Variants in DTNA observed in about 807,000 individuals in gnomAD.
DTNA encodes the protein dystrobrevin alpha.
In DTNA, 43 loss-of-function variants were observed where a neutral mutation model predicts 100.7. The ratio of observed to expected loss-of-function variants is 0.43; its 90% CI spans 0.33 to 0.55. The LOEUF (loss-of-function observed/expected upper bound fraction) is 0.55. DTNA is among the 20% of genes least tolerant of loss of function. The probability of loss-of-function intolerance (pLI) is 0.04; values close to 1 mark genes in which losing one functional copy is unlikely to be tolerated. For synonymous variants in DTNA, 349 were observed against 347.9 expected (o/e 1.00, Z -0.04); for missense variants, 798 against 953.9 (o/e 0.84, Z 2.15).
rs557592340 is a variant in DTNA at position 34,652,461 on chromosome 18, T to G, written c.-1-103515T>G. On this transcript the variant is annotated intron_variant, in intron 1 of 19. Transcript: ENST00000283365. ...CCTACATGCCCAGGTGTTTGCTTATTTCCTTGACTGGAATGTTCTTCCTCA... is the reference window on the plus strand; with the variant it reads ...CCTACATGCCCAGGTGTTTGCTTATGTCCTTGACTGGAATGTTCTTCCTCA... 1.1e-4 allele frequency among the ~76,000 whole-genome samples: 17 copies of G among 152,288 alleles called. No individual in the cohort carries two copies. In the South Asian group the frequency reaches 3.1e-3, roughly 28 times the overall value.
chr18:34,833,016 GTTC>G (rs1431943923), intron 11 of DTNA, among the ~76,000 whole-genome samples: 13 of 152,108 alleles, frequency 8.5e-5, no homozygotes, highest in Admixed American at 3.9e-4. Flanking sequence ...GAAAATATCT[GTTC>G]TTAATTTGCT....
chr18:34,561,073 A>G (rs1042788470), intron 1 of DTNA, among the ~76,000 whole-genome samples: 1 of 152,242 alleles, frequency 6.6e-6, no homozygotes, highest in African/African-American at 2.4e-5. Flanking sequence ...AATCTGCACA[A>G]TAAATGTGAT....
At chr18:34,512,551 G>A (rs1450654041) in intron 1 of DTNA, among the ~76,000 whole-genome samples, 2 of 152,006 alleles carry the variant, frequency 1.3e-5, no homozygotes, top group Admixed American at 6.6e-5. Flanking sequence ...CTTTTATGGT[G>A]GTGAATCCAG....
At chr18:34,555,425 A>T (rs1301457568) in intron 1 of DTNA, among the ~76,000 whole-genome samples, 1 of 151,382 alleles carries the variant, frequency 6.6e-6, no homozygotes, top group Non-Finnish European at 1.5e-5. Flanking sequence ...TAGCTTTTGA[A>T]TGTGTTTGCT....
At chr18:34,733,488 C>G (rs2088805847) in intron 1 of DTNA, among the ~76,000 whole-genome samples, 1 of 152,106 alleles carries the variant, frequency 6.6e-6, no homozygotes, top group Non-Finnish European at 1.5e-5. Flanking sequence ...GTAGCTATGC[C>G]CACCGTGCCT....
At chr18:34,654,678 A>C (rs899727926) in intron 1 of DTNA, among the ~76,000 whole-genome samples, 11 of 152,210 alleles carry the variant, frequency 7.2e-5, no homozygotes, top group Non-Finnish European at 1.3e-4. Flanking sequence ...CATGTGGGAT[A>C]ATCTATGTTC....
intron 6 of DTNA, chr18:34,815,670 A>G: frequency 2.1e-6 from 1 of 471,918 alleles, no homozygotes; most frequent in Admixed American, 3.4e-5. Flanking sequence ...TCTCCTGGTG[A>G]TACTATTGAC....
intron 1 of DTNA, among the ~76,000 whole-genome samples, chr18:34,704,852 T>C (rs1460803213): frequency 6.6e-6 from 1 of 152,184 alleles, no homozygotes; most frequent in East Asian, 1.9e-4. Flanking sequence ...TTTTCTTGAC[T>C]TCACAGGTAG....
chr18:34,493,781 A>G (rs1027188950), intron 1 of DTNA: 33 of 148,898 alleles, frequency 2.2e-4, no homozygotes, highest in Admixed American at 6.0e-4. Flanking sequence ...CGCACCGAGC[A>G]AAGTCAAGAG....
chr18:34,813,799 G>A (rs571757597), intron 6 of DTNA, among the ~76,000 whole-genome samples: 2 of 142,542 alleles, frequency 1.4e-5, no homozygotes, highest in Non-Finnish European at 3.0e-5. Flanking sequence ...CCAAGATTGT[G>A]CCACTGCACT....
At chr18:34,781,068 G>A (rs750452738) in intron 3 of DTNA, among the ~76,000 whole-genome samples, 3 of 152,176 alleles carry the variant, frequency 2.0e-5, no homozygotes, top group African/African-American at 7.2e-5. Context: ...GCCATTGTCC[G>A]GTTGCAGCTG....
chr18:34,759,338 C>T (rs1041053252), intron 2 of DTNA, among the ~76,000 whole-genome samples: 1 of 152,168 alleles, frequency 6.6e-6, no homozygotes, highest in East Asian at 1.9e-4. Flanking sequence ...ACTCTCAGAG[C>T]ACATTTACTT....
intron 17 of DTNA, among the ~76,000 whole-genome samples, chr18:34,869,656 T>C (rs1231109570): frequency 6.6e-6 from 1 of 152,212 alleles, no homozygotes; most frequent in African/African-American, 2.4e-5. Context: ...TGATATTTTT[T>C]CTTAAGTTTT....
chr18:34,555,390 A>T (rs2045923176), intron 1 of DTNA, among the ~76,000 whole-genome samples: 1 of 150,100 alleles, frequency 6.7e-6, no homozygotes, highest in African/African-American at 2.5e-5. Flanking sequence ...TTCTGCTCTG[A>T]TTTTAGTTAT....
chr18:34,834,704 C>T (rs1318569519), intron 11 of DTNA, among the ~76,000 whole-genome samples: 15 of 152,032 alleles, frequency 9.9e-5, no homozygotes. Flanking sequence ...TAACAACCAG[C>T]CCTCAAGGGA....
chr18:34,842,297 A>G (rs970116730), intron 13 of DTNA, among the ~76,000 whole-genome samples: 6 of 152,322 alleles, frequency 3.9e-5, no homozygotes, highest in Non-Finnish European at 5.9e-5. Context: ...TGTGTTGTCA[A>G]TAGATTTCTT....
intron 1 of DTNA, among the ~76,000 whole-genome samples, chr18:34,693,636 AT>A (rs1442424464): frequency 5.3e-5 from 8 of 152,206 alleles, no homozygotes; most frequent in African/African-American, 1.7e-4. Flanking sequence ...TTCATCAAGT[AT>A]TAATTGAGAA....
intron 1 of DTNA, among the ~76,000 whole-genome samples, chr18:34,751,201 G>T (rs2092286817): frequency 6.6e-6 from 1 of 152,168 alleles, no homozygotes; most frequent in African/African-American, 2.4e-5. Context: ...TCTCTGTGTG[G>T]TCTGGTAGTC....
chr18:34,652,085 A>G (rs577582736), intron 1 of DTNA, among the ~76,000 whole-genome samples: 1 of 140,496 alleles, frequency 7.1e-6, no homozygotes, highest in African/African-American at 2.9e-5. Context: ...AAAAGAAAAA[A>G]GGAAGGAAGG....
Sources: gnomAD v4.1 joint callset for allele counts (sites outside exome capture counted in the v4.1 genomes callset) on GRCh38, gnomAD v4.1.1 for gene constraint, MANE v1.5 for transcripts, NCBI Gene and HGNC (gene_info 2026-07-23, HGNC 2026-07-21) for gene names.